Variants in AGAP1 observed in about 807,000 individuals in gnomAD.
The protein encoded by AGAP1 is ArfGAP with GTPase domain, ankyrin repeat and PH domain 1.
Under a neutral mutation model 105.3 loss-of-function variants are expected in AGAP1, and 29 were observed. The observed-to-expected ratio is 0.28, with a 90% CI of 0.21 to 0.38. AGAP1 has a LOEUF of 0.38. Ranked by LOEUF, AGAP1 falls within the 10% of genes least tolerant of loss-of-function variation. The pLI, the probability that AGAP1 is intolerant of heterozygous loss-of-function variation, is 1.00. For missense variants in AGAP1, 998 were observed against 1,165.1 expected (o/e 0.86, Z 2.09); for synonymous variants, 509 against 485.9 (o/e 1.05, Z -0.63).
rs1224902644 is a variant in AGAP1, at chr2:235,879,089, G to A, written c.1051-4256G>A. 1.3e-5 allele frequency among the ~76,000 whole-genome samples: 2 copies of A among 152,206 alleles called. No homozygotes were observed. Among genetic ancestry groups the A allele is most frequent in the African/African-American group, 2.4e-5 (1 of 41,444 alleles). On this transcript the variant is annotated intron_variant, in intron 9 of 17. Coordinates refer to ENST00000304032, the MANE Select transcript of AGAP1 (RefSeq NM_001037131.3). The surrounding 1 kb of genome is among the most constrained non-coding windows in gnomAD (Gnocchi z 5.0). ...CCAGTGTCCTGGCAGGAGTGAAGAC[G>A]GCAGGAGAGCTGGCCCTGCCACATT...
chr2:235,495,278 A>G (rs570113474), intron 1 of AGAP1, among the ~76,000 whole-genome samples: 1 of 152,222 alleles, frequency 6.6e-6, no homozygotes, highest in Admixed American at 6.5e-5. Flanking sequence ...GCTGGGGGCG[A>G]GGCCCGGGCC....
chr2:235,667,903 A>G (rs182248517), intron 1 of AGAP1, among the ~76,000 whole-genome samples: 30 of 139,712 alleles, frequency 2.1e-4, no homozygotes, highest in Admixed American at 1.4e-3. Context: ...AGGTTGCAGG[A>G]GCCGAGATCG....
Position 235,824,202 on chromosome 2 carries a change from G to A in AGAP1, c.1050+16871G>A, listed in dbSNP as rs1958950210. ...GAGGGGTCTTCGATTGGTGGCACCC[G>A]TGTTCCACGGTACAGCTAGGCCTTC... is the stretch of plus-strand genomic sequence containing the variant. On this transcript the variant is annotated intron_variant, in intron 9 of 17. Coordinates refer to ENST00000304032, the MANE Select transcript of AGAP1 (RefSeq NM_001037131.3). This position sits in a 1 kb window ranked among gnomAD's most constrained non-coding sequence, Gnocchi z 5.2. Among the ~76,000 whole-genome samples, 2 of 152,250 alleles carry A rather than the reference G, an allele frequency of 1.3e-5. No individual in the cohort carries two copies. The highest frequency in any genetic ancestry group is 4.1e-4 in the South Asian group (2 of 4,834).
chr2:235,533,427 A>G (rs931949413), intron 1 of AGAP1, among the ~76,000 whole-genome samples: 24 of 152,232 alleles, frequency 1.6e-4, no homozygotes, highest in Middle Eastern at 3.2e-3. Flanking sequence ...GTGTACATCC[A>G]TTACTCATTA....
At chr2:235,595,670 G>T (rs1945502918) in intron 1 of AGAP1, among the ~76,000 whole-genome samples, 1 of 152,178 alleles carries the variant, frequency 6.6e-6, no homozygotes, top group African/African-American at 2.4e-5. Flanking sequence ...TGGTGTTTGG[G>T]CAGATGCATT....
intron 1 of AGAP1, among the ~76,000 whole-genome samples, chr2:235,501,299 C>T (rs184963661): frequency 1.3e-5 from 2 of 152,244 alleles, no homozygotes; most frequent in South Asian, 2.1e-4. Context: ...TGTGGTTTTG[C>T]GGATTTTCCT....
Position 235,994,535 on chromosome 2 carries a change from A to C in AGAP1, c.1645+25912A>C, listed in dbSNP as rs1193210959. On this transcript the variant is annotated intron_variant, in intron 13 of 17. Transcript: ENST00000304032. The surrounding 1 kb of genome is among the most constrained non-coding windows in gnomAD (Gnocchi z 4.4). Reference sequence around the variant, plus strand: ...GAAGTAGGTCATCACTGTCATCGTCATAGTGGGGACACACTGAGAGGTTAC... The same window carrying C: ...GAAGTAGGTCATCACTGTCATCGTCCTAGTGGGGACACACTGAGAGGTTAC... Among the ~76,000 whole-genome samples the C allele has an allele frequency of 4.6e-5, 7 of 152,136 alleles. No homozygotes were observed. The highest frequency in any genetic ancestry group is 1.0e-4 in the Non-Finnish European group (7 of 68,018).
At chr2:236,021,531 G>A (rs2056883947) in intron 13 of AGAP1, among the ~76,000 whole-genome samples, 2 of 152,284 alleles carry the variant, frequency 1.3e-5, no homozygotes, top group South Asian at 4.2e-4. Flanking sequence ...GTCAGGATGA[G>A]TAACAAACAG....
In AGAP1 at chr2:235,720,604, G is replaced by C. The variant is rs1228911560; in HGVS notation, c.310+2960G>C. On this transcript the variant is annotated intron_variant, in intron 3 of 17. Coordinates refer to ENST00000304032, the MANE Select transcript of AGAP1 (RefSeq NM_001037131.3). This position sits in a 1 kb window ranked among gnomAD's most constrained non-coding sequence, Gnocchi z 5.0. ...AACTGCTAGAGCGATCAACTGGGCA[G>C]CTACTTTGAATGAAAGGCATTTTGC... 1 of 939,014 alleles carries C rather than the reference G, an allele frequency of 1.1e-6. No individual in the cohort carries two copies. Among genetic ancestry groups the C allele is most frequent in the Non-Finnish European group, 1.3e-6 (1 of 787,718 alleles). 58.2% of individuals were successfully genotyped at this position (939,014 alleles called of 1,614,324 possible). A position where few individuals can be genotyped will look rare whatever the true frequency, so the allele number is the denominator to read the frequency against.
chr2:236,100,121 G>T (rs1035233534), intron 16 of AGAP1, among the ~76,000 whole-genome samples: 1 of 150,038 alleles, frequency 6.7e-6, no homozygotes, highest in African/African-American at 2.5e-5. Context: ...CTTTGCAACC[G>T]TAGAGATCCA....
intron 1 of AGAP1, among the ~76,000 whole-genome samples, chr2:235,505,301 G>A (rs539372075): frequency 6.6e-6 from 1 of 152,320 alleles, no homozygotes; most frequent in African/African-American, 2.4e-5. Flanking sequence ...TGTGTCCTGG[G>A]AGCTGCCCAT....
chr2:235,718,389 G>T, intron 3 of AGAP1: 1 of 985,708 alleles, frequency 1.0e-6, no homozygotes, highest in Non-Finnish European at 1.2e-6. Context: ...AGATATGGAT[G>T]CAGGTAACTA....
At chr2:235,726,661 A>G (rs1301633507) in intron 3 of AGAP1, among the ~76,000 whole-genome samples, 2 of 152,170 alleles carry the variant, frequency 1.3e-5, no homozygotes, top group African/African-American at 2.4e-5. Flanking sequence ...AAACCAGATT[A>G]TAGCAGACCA....
At chr2:235,862,401 A>G (rs948554171) in intron 9 of AGAP1, among the ~76,000 whole-genome samples, 1 of 152,220 alleles carries the variant, frequency 6.6e-6, no homozygotes, top group Non-Finnish European at 1.5e-5. Context: ...TGCTGCTCGT[A>G]ATGAAACGTG....
At chr2:236,060,225 A>G (rs1046250317) in intron 16 of AGAP1, among the ~76,000 whole-genome samples, 3 of 152,266 alleles carry the variant, frequency 2.0e-5, no homozygotes, top group Admixed American at 6.5e-5. Context: ...TTTCTTAGAT[A>G]TGATACCTAA....
intron 16 of AGAP1, among the ~76,000 whole-genome samples, chr2:236,064,561 A>G (rs1434047810): frequency 2.0e-5 from 3 of 152,224 alleles, no homozygotes; most frequent in Non-Finnish European, 2.9e-5. Context: ...GTGCCACTGC[A>G]CTGCATTCTG....
rs906329604 is a variant in AGAP1, at chr2:235,976,993, G to C, written c.1645+8370G>C. On this transcript the variant is annotated intron_variant, in intron 13 of 17. Transcript: ENST00000304032. The surrounding 1 kb of genome is among the most constrained non-coding windows in gnomAD (Gnocchi z 4.5). ...TACACAGAAGCATAAACTCACCTTT[G>C]AAAAATGCTGACTACTCACAAGGTC... Among the ~76,000 whole-genome samples, 1 of 152,126 alleles carries C rather than the reference G, an allele frequency of 6.6e-6. No individual in the cohort carries two copies. The highest frequency in any genetic ancestry group is 2.4e-5 in the African/African-American group (1 of 41,416).
chr2:235,841,433 A>G (rs1960825307), intron 9 of AGAP1, among the ~76,000 whole-genome samples: 1 of 152,128 alleles, frequency 6.6e-6, no homozygotes, highest in Non-Finnish European at 1.5e-5. Flanking sequence ...GTTCTATACC[A>G]GCCTGGGCAA....
chr2:235,847,690 T>TCCTGAAACGGGCG (rs1961664520), intron 9 of AGAP1, among the ~76,000 whole-genome samples: 1 of 152,258 alleles, frequency 6.6e-6, no homozygotes, highest in Non-Finnish European at 1.5e-5. Context: ...CGTCTGTAGA[T>TCCTGAAACGGGCG]CCTGAAACGG....
Sources: allele counts gnomAD v4.1 joint callset (sites outside exome capture counted in the v4.1 genomes callset), GRCh38; gene constraint gnomAD v4.1.1; non-coding constraint Gnocchi (gnomAD v3.1); transcripts MANE v1.5; gene names NCBI Gene and HGNC (gene_info 2026-07-23, HGNC 2026-07-21).